The following TELO2 variants were observed in gnomAD, a reference collection of about 807,000 sequenced individuals.
TELO2 encodes the protein telomere maintenance 2.
TELO2 carries 71 observed loss-of-function variants against 91.0 expected under a neutral mutation model. The observed-to-expected ratio is 0.78, with a 90% confidence interval of 0.64 to 0.95. The LOEUF is 0.95. Among genes scored for constraint, TELO2 ranks in the 40% least tolerant of loss-of-function variants. The pLI is 0.00. For missense variants in TELO2, 1,183 were observed against 1,141.3 expected (o/e 1.04, Z -0.53); for synonymous variants, 584 against 518.9 (o/e 1.13, Z -1.71).
At chr16:1,501,844 C>A in intron 11 of TELO2, 71 bp downstream of exon 11, 1 of 1,521,156 alleles carries the variant, frequency 6.6e-7, no homozygotes, top group Non-Finnish European at 9.0e-7. Context: ...CTCCAAGCTG[C>A]GGCCCCGTGG....
At chr16:1,508,860 G>C (rs965934951) in intron 20 of TELO2, among the ~76,000 whole-genome samples, 11 of 152,320 alleles carry the variant, frequency 7.2e-5, no homozygotes, top group Admixed American at 3.3e-4. Flanking sequence ...GGGTGGCCGT[G>C]AATGTCTTCC....
At chr16:1,500,765 C>T in intron 9 of TELO2, 66 bp downstream of exon 9, 3 of 1,578,908 alleles carry the variant, frequency 1.9e-6, no homozygotes, top group East Asian at 2.3e-5. Context: ...GCTGCCTCTC[C>T]AGCCCCAGGG....
chr16:1,506,751 C>T (rs2039907919), intron 17 of TELO2: 1 of 1,399,332 alleles, frequency 7.1e-7, no homozygotes, highest in South Asian at 1.5e-5. Context: ...AACTCCTGGC[C>T]CAGGTGGACT....
chr16:1,508,799 C>T (rs900103557), intron 20 of TELO2, among the ~76,000 whole-genome samples: 6 of 152,168 alleles, frequency 3.9e-5, no homozygotes, highest in Non-Finnish European at 7.4e-5. Context: ...CCGATGGACA[C>T]GGGAAGGGCA....
rs571796196 is a variant in TELO2 at position 1,503,417 on chromosome 16, G to A, written c.1842+415G>A. ...TCCATCTTTATTAGCCAAGTGTGGT[G>A]GTGGGCGACTGTGGTCCCAGTTACT... On this transcript the variant is annotated intron_variant, in intron 15 of 20. Transcript: ENST00000262319. Among the ~76,000 whole-genome samples, 165 of 152,274 alleles carry A rather than the reference G, an allele frequency of 1.1e-3. 1 individual carries two copies. Among genetic ancestry groups the A allele is most frequent in the African/African-American group, 3.9e-3 (160 of 41,556 alleles).
At position 1,500,326 on chromosome 16, in the gene TELO2, C is replaced by A. The variant is rs541259427; in HGVS notation, c.1003-21C>A. 6.4e-6 allele frequency: 10 copies of A among 1,567,086 alleles called. No individual in the cohort carries two copies. The East Asian group carries it at 2.3e-4, about 37-fold the overall frequency. On this transcript the variant is annotated intron_variant, in intron 7 of 20. Transcript: ENST00000262319. ...AGACTGGCCCCGAGCCCCACACAGT[C>A]GTGGGCCATGCCACCTGCAGGTGCT...
Position 1,500,642 on chromosome 16 carries a change from C to T in TELO2, c.1224C>T (p.Ile408=), listed in dbSNP as rs374838440. The part of the protein sequence containing the change: ...SLPPVRRLGM[I]VAEVVSARIH... ...CCCCCGTGCGACGCCTGGGCATGAT[C>T]GTGGCAGAGGTCGTTAGTGCCCGGA... The change falls in exon 9 of 21, where the codon ATC becomes ATT. Residue 408 remains isoleucine (I), a synonymous_variant. Transcript: ENST00000262319. 78 of 1,612,570 alleles carry T rather than the reference C, an allele frequency of 4.8e-5. 1 individual carries two copies. Among genetic ancestry groups the T allele is most frequent in the South Asian group, 4.6e-4 (42 of 91,070 alleles).
intron 5 of TELO2, among the ~76,000 whole-genome samples, chr16:1,498,805 C>G (rs1436385883): frequency 6.6e-6 from 1 of 152,230 alleles, no homozygotes; most frequent in African/African-American, 2.4e-5. Flanking sequence ...GGGGCTCTTT[C>G]TGGAGACCCA....
Position 1,501,664 on chromosome 16 carries a change from A to G in TELO2, c.1363A>G (p.Thr455Ala), listed in dbSNP as rs764823412. The G allele has an allele frequency of 1.9e-5, 30 of 1,606,594 alleles. No individual in the cohort carries two copies. The Admixed American group carries it at 5.0e-4, about 27-fold the overall frequency. Reference protein sequence around the residue: ...PAGDGASEAGTSLVPATAEPP... With the variant: ...PAGDGASEAGASLVPATAEPP... ...TTTTTGTTCCTTGTTTCCTTAAAGC[A>G]CGTCCCTCGTTCCAGCCACGGCAGA... The change falls in exon 11 of 21, where the codon ACG (threonine) becomes GCG (alanine). Residue 455 changes from threonine (T) to alanine (A), a missense_variant and splice_region_variant. By Grantham distance (58) the Thr-to-Ala change is moderately conservative (BLOSUM62 0). Coordinates refer to ENST00000262319, the MANE Select transcript of TELO2 (RefSeq NM_016111.4).
chr16:1,495,136 G>A (rs555232952), intron 2 of TELO2, among the ~76,000 whole-genome samples: 2 of 152,348 alleles, frequency 1.3e-5, no homozygotes, highest in South Asian at 2.1e-4. Flanking sequence ...GGTTGGGGAA[G>A]CCGCTCAGGG....
chr16:1,509,489 G>A (rs2040045456), intron 20 of TELO2, among the ~76,000 whole-genome samples: 1 of 152,218 alleles, frequency 6.6e-6, no homozygotes, highest in South Asian at 2.1e-4. Context: ...GATTCCTACG[G>A]TCTTCCACCT....
chr16:1,501,800 A>G, intron 11 of TELO2, 27 bp downstream of exon 11: 1 of 1,593,790 alleles, frequency 6.3e-7, no homozygotes, highest in African/African-American at 1.3e-5. Flanking sequence ...CCCAGTGGGC[A>G]GCGTGCAGGA....
chr16:1,494,663 G>C lies in TELO2; in HGVS notation c.335+47G>C. 1.9e-6 allele frequency: 3 copies of C among 1,554,362 alleles called. No homozygotes were observed. Among genetic ancestry groups the C allele is most frequent in the Non-Finnish European group, 2.6e-6 (3 of 1,147,880 alleles). ...TGGGGTTGCCGGTAGCCTCAGAAGT[G>C]ATGAGAGTGGCTTGAAGGACTGGAC... On this transcript the variant is annotated intron_variant, in intron 2 of 20. Transcript: ENST00000262319. The surrounding 1 kb of genome is among the most constrained non-coding windows in gnomAD (Gnocchi z 5.6).
chr16:1,509,749 G>T (rs1285455292), intron 20 of TELO2, 81 bp from the exon 21 acceptor site: 2 of 1,361,120 alleles, frequency 1.5e-6, no homozygotes, highest in African/African-American at 1.5e-5. Flanking sequence ...GGCGGGGCTG[G>T]TTCAGGCAGA....
chr16:1,500,362 T>C lies in TELO2; in HGVS notation c.1018T>C (p.Leu340=), dbSNP rs1324384974. ...PLLLQVLKEL[L]ETWGSSSAIR... is the part of the protein sequence containing the mutation. Reference sequence around the variant, plus strand: ...CCACCTGCAGGTGCTGAAGGAGCTGTTGGAGACGTGGGGCAGCAGCAGTGC... The same window carrying C: ...CCACCTGCAGGTGCTGAAGGAGCTGCTGGAGACGTGGGGCAGCAGCAGTGC... Residue 340 remains leucine, a synonymous_variant, in exon 8 of 21, where the codon TTG becomes CTG. Transcript: ENST00000262319. 10 of 1,593,128 alleles carry C rather than the reference T, an allele frequency of 6.3e-6. No homozygotes were observed. The highest frequency in any genetic ancestry group is 8.5e-6 in the Non-Finnish European group (10 of 1,172,002).
At position 1,509,895 on chromosome 16, in the gene TELO2, C is replaced by T. The variant is rs1555473430; in HGVS notation, c.2473C>T (p.Gln825Ter). Residue 825 changes from glutamine to a stop codon, truncating the protein, a stop_gained, in exon 21 of 21, where the codon CAG (glutamine) becomes TAG (stop). Coordinates refer to ENST00000262319, the MANE Select transcript of TELO2 (RefSeq NM_016111.4). LOFTEE classifies it low-confidence loss of function (END_TRUNC). ...GGCACTGAGGGCCCTGCTGCTTCTG[C>T]AGAGACTCAAGAACAGGCTCCTCCC... ...TLALRALLLLQRLKNRLLPPA... is the reference protein window; with the variant it reads ...TLALRALLLL 4.3e-6 allele frequency: 7 copies of T among 1,611,286 alleles called. No individual in the cohort carries two copies. The highest frequency in any genetic ancestry group is 5.9e-6 in the Non-Finnish European group (7 of 1,179,178).
rs907564149 is a variant in TELO2 at position 1,493,922 on chromosome 16, C to G, written c.-37+317C>G. ...GGGTGCGAGGACGCGTGGGGCCGCG[C>G]TGTGCCCGGGGAACACTCACCAGCA... is the stretch of plus-strand genomic sequence containing the variant. On this transcript the variant is annotated intron_variant, in intron 1 of 20. Coordinates refer to ENST00000262319, the MANE Select transcript of TELO2 (RefSeq NM_016111.4). The surrounding 1 kb of genome is among the most constrained non-coding windows in gnomAD (Gnocchi z 4.3). Among the ~76,000 whole-genome samples the G allele has an allele frequency of 2.4e-4, 36 of 152,372 alleles. No homozygotes were observed. Among genetic ancestry groups the G allele is most frequent in the African/African-American group, 8.7e-4 (36 of 41,588 alleles).
intron 3 of TELO2, among the ~76,000 whole-genome samples, chr16:1,496,142 G>C (rs2039484523): frequency 6.6e-6 from 1 of 152,204 alleles, no homozygotes; most frequent in Non-Finnish European, 1.5e-5. Flanking sequence ...TCCTTCTCTT[G>C]CCTTTCCCGA....
In TELO2 at chr16:1,505,373, G is replaced by C; in HGVS notation, c.1843-37G>C. The stretch of plus-strand genomic sequence containing the variant: ...GACTCTTGGGAAATGTTCTTCCCTG[G>C]AGCAGTGGCGACGGCCCTGGGCCTG... On this transcript the variant is annotated intron_variant, in intron 15 of 20. Transcript: ENST00000262319. This position sits in a 1 kb window ranked among gnomAD's most constrained non-coding sequence, Gnocchi z 4.3. 4 of 1,587,754 alleles carry C rather than the reference G, an allele frequency of 2.5e-6. No individual in the cohort carries two copies. The highest frequency in any genetic ancestry group is 2.3e-5 in the East Asian group (1 of 44,292).
Sources: allele counts gnomAD v4.1 joint callset (sites outside exome capture counted in the v4.1 genomes callset), GRCh38; gene constraint gnomAD v4.1.1; non-coding constraint Gnocchi (gnomAD v3.1); transcripts MANE v1.5; gene names NCBI Gene and HGNC (gene_info 2026-07-23, HGNC 2026-07-21).